TRHDE: variants seen among roughly 807,000 people sequenced by gnomAD.
The protein encoded by TRHDE is thyrotropin releasing hormone degrading enzyme.
TRHDE carries 72 observed loss-of-function variants against 125.7 expected under a neutral mutation model. The observed-to-expected ratio is 0.57, with a 90% CI of 0.47 to 0.70. The LOEUF (loss-of-function observed/expected upper bound fraction) is 0.70, where lower values mean the gene tolerates loss of function less well. Among genes scored for constraint, TRHDE ranks in the 30% least tolerant of loss-of-function variants. TRHDE has a pLI of 0.00. For missense variants in TRHDE, 1,110 were observed against 1,327.1 expected (o/e 0.84, Z 2.54); for synonymous variants, 509 against 509.1 (o/e 1.00, Z 0.00).
rs557805265 is a variant in TRHDE, at chr12:72,126,001, C to T, written n.279+20249C>T. Among the ~76,000 whole-genome samples the T allele has an allele frequency of 2.2e-3, 328 of 152,234 alleles. 2 individuals are homozygous for T. Among genetic ancestry groups the T allele is most frequent in the African/African-American group, 7.6e-3 (317 of 41,548 alleles). ...GCCACAAAAATAAAACAAAACAAAA[C>T]AAAACACAGAACCCTGGGAGGGTGT... On this transcript the variant is annotated intron_variant and non_coding_transcript_variant, in intron 2 of 4. Transcript: ENST00000548156.
intron 2 of TRHDE, among the ~76,000 whole-genome samples, chr12:72,176,367 G>T (rs184176045): frequency 1.3e-5 from 2 of 152,188 alleles, no homozygotes; most frequent in Non-Finnish European, 2.9e-5. Flanking sequence ...TCTAGATATG[G>T]ATGGCTTGGG....
intron 15 of TRHDE, among the ~76,000 whole-genome samples, chr12:72,637,858 G>T (rs1873836803): frequency 6.6e-6 from 1 of 151,526 alleles, no homozygotes; most frequent in South Asian, 2.1e-4. Flanking sequence ...ATTGCACTGT[G>T]GTCTGAGAGA....
At chr12:72,287,099 A>G (rs902056267) in intron 2 of TRHDE, 145 bp downstream of exon 2, 13 of 907,600 alleles carry the variant, frequency 1.4e-5, no homozygotes, top group Non-Finnish European at 1.9e-5. Context: ...GGGGGTTTTT[A>G]CATATTTTAC....
intron 2 of TRHDE, among the ~76,000 whole-genome samples, chr12:72,365,047 A>G (rs1189525369): frequency 6.6e-6 from 1 of 152,216 alleles, no homozygotes. Flanking sequence ...GACAGGATTA[A>G]CCAACTTTTT....
intron 3 of TRHDE, among the ~76,000 whole-genome samples, chr12:72,413,516 A>G (rs959558229): frequency 1.3e-5 from 2 of 151,838 alleles, no homozygotes; most frequent in African/African-American, 4.8e-5. Flanking sequence ...TATTAAAATT[A>G]TTATTAGCTC....
At chr12:72,458,772 TACA>T (rs1335184792) in intron 3 of TRHDE, among the ~76,000 whole-genome samples, 3 of 152,138 alleles carry the variant, frequency 2.0e-5, no homozygotes, top group Admixed American at 2.0e-4. Flanking sequence ...TAACCTGAAA[TACA>T]CTTCCCCTCT....
At chr12:72,259,630 A>G (rs1202194324) in intron 2 of TRHDE, among the ~76,000 whole-genome samples, 2 of 152,168 alleles carry the variant, frequency 1.3e-5, no homozygotes, top group Non-Finnish European at 2.9e-5. Context: ...ATTCCAATCT[A>G]ATAACACATC....
intron 5 of TRHDE, among the ~76,000 whole-genome samples, chr12:72,498,402 C>T (rs1048335563): frequency 1.3e-5 from 2 of 152,126 alleles, no homozygotes; most frequent in African/African-American, 4.8e-5. Context: ...TCAGAAATAA[C>T]ATGCTGTTTA....
At chr12:72,319,808 A>G (rs1868992240) in intron 2 of TRHDE, among the ~76,000 whole-genome samples, 2 of 152,128 alleles carry the variant, frequency 1.3e-5, no homozygotes, top group Non-Finnish European at 2.9e-5. Context: ...CAAAGGGGAC[A>G]TTATGAGGAC....
intron 2 of TRHDE, among the ~76,000 whole-genome samples, chr12:72,242,563 A>G (rs1489154688): frequency 6.6e-6 from 1 of 152,146 alleles, no homozygotes; most frequent in Non-Finnish European, 1.5e-5. Flanking sequence ...TGTTGCTGCC[A>G]GTAGACTCTC....
chr12:72,653,525 G>A (rs997867307), intron 17 of TRHDE, among the ~76,000 whole-genome samples: 7 of 151,822 alleles, frequency 4.6e-5, no homozygotes, highest in Admixed American at 3.3e-4. Context: ...AAAATAAAAC[G>A]TTAATTACTT....
At chr12:72,368,025 T>C (rs1336895211) in intron 2 of TRHDE, among the ~76,000 whole-genome samples, 3 of 152,212 alleles carry the variant, frequency 2.0e-5, no homozygotes, top group Non-Finnish European at 4.4e-5. Context: ...TGTTTTTTTC[T>C]TTTTCTTGGC....
At chr12:72,638,042 C>T (rs1873846696) in intron 15 of TRHDE, among the ~76,000 whole-genome samples, 1 of 149,920 alleles carries the variant, frequency 6.7e-6, no homozygotes, top group African/African-American at 2.5e-5. Context: ...GAGCTGAGTT[C>T]AATTCCTGGG....
intron 2 of TRHDE, among the ~76,000 whole-genome samples, chr12:72,359,118 A>G (rs1408095268): frequency 6.6e-6 from 1 of 150,562 alleles, no homozygotes; most frequent in Non-Finnish European, 1.5e-5. Context: ...CCTCCCCAAG[A>G]AAGCAAATAA....
chr12:72,285,444 T>C (rs2139426079), intron 1 of TRHDE, among the ~76,000 whole-genome samples: 1 of 152,314 alleles, frequency 6.6e-6, no homozygotes, highest in East Asian at 1.9e-4. Flanking sequence ...GTAACTAGCA[T>C]TATTTAAAAA....
At chr12:72,380,936 G>A (rs138120284) in intron 3 of TRHDE, among the ~76,000 whole-genome samples, 2 of 150,044 alleles carry the variant, frequency 1.3e-5, no homozygotes, top group African/African-American at 2.5e-5. Flanking sequence ...GAAATCTATG[G>A]GTCCATTTTA....
intron 3 of TRHDE, among the ~76,000 whole-genome samples, chr12:72,455,733 G>T (rs974826296): frequency 2.0e-5 from 3 of 151,950 alleles, no homozygotes; most frequent in African/African-American, 7.3e-5. Context: ...AAAGTTAGAG[G>T]TATTGTATTT....
chr12:72,359,206 T>G lies in TRHDE; in HGVS notation c.1189-18789T>G, dbSNP rs1179688941. On this transcript the variant is annotated intron_variant, in intron 2 of 18. Coordinates refer to ENST00000261180, the MANE Select transcript of TRHDE (RefSeq NM_013381.3). ...AAAAAAAAACATATCTGAAGAGAGG[T>G]GAAGAAAGCCTTCGAAAAATCCAAC... is the stretch of plus-strand genomic sequence containing the variant. Among the ~76,000 whole-genome samples the G allele has an allele frequency of 4.7e-5, 7 of 148,268 alleles. No individual in the cohort carries two copies. The East Asian group carries it at 1.2e-3, about 26-fold the overall frequency.
intron 2 of TRHDE, among the ~76,000 whole-genome samples, chr12:72,360,861 C>T (rs965648628): frequency 6.6e-6 from 1 of 151,600 alleles, no homozygotes; most frequent in Non-Finnish European, 1.5e-5. Flanking sequence ...GATACATGTG[C>T]AGGATATGGA....
Sources: allele counts gnomAD v4.1 joint callset (sites outside exome capture counted in the v4.1 genomes callset), GRCh38; gene constraint gnomAD v4.1.1; transcripts MANE v1.5; gene names NCBI Gene and HGNC (gene_info 2026-07-23, HGNC 2026-07-21).